ATP10A: variants seen among roughly 807,000 people sequenced by gnomAD.
ATP10A encodes ATPase phospholipid transporting 10A (putative).
A neutral mutation model predicts 147.8 loss-of-function variants in ATP10A; 111 were observed. The ratio of observed to expected loss-of-function variants is 0.75; its 90% CI spans 0.64 to 0.88. The LOEUF (loss-of-function observed/expected upper bound fraction) is 0.88. Among genes scored for constraint, ATP10A ranks in the 40% least tolerant of loss-of-function variants. ATP10A has a pLI of 0.00. For missense variants in ATP10A, 1,927 were observed against 1,959.0 expected (o/e 0.98, Z 0.31); for synonymous variants, 875 against 841.6 (o/e 1.04, Z -0.69).
intron 13 of ATP10A, among the ~76,000 whole-genome samples, chr15:25,701,018 G>A (rs1900632689): frequency 6.6e-6 from 1 of 152,080 alleles, no homozygotes; most frequent in African/African-American, 2.4e-5. Context: ...CCCGGCCAGC[G>A]TGGCTGTGAA....
intron 2 of ATP10A, among the ~76,000 whole-genome samples, chr15:25,773,759 A>T (rs1889460711): frequency 6.6e-6 from 1 of 151,996 alleles, no homozygotes; most frequent in African/African-American, 2.4e-5. Flanking sequence ...CACTTGCAAA[A>T]ATGTTTGCAC....
intron 1 of ATP10A, among the ~76,000 whole-genome samples, chr15:25,856,493 A>C (rs1273773020): frequency 2.0e-5 from 3 of 152,206 alleles, no homozygotes; most frequent in Admixed American, 6.5e-5. Context: ...TTAGCGTTAG[A>C]TGTTAGTGAT....
At chr15:25,731,172 C>A (rs1005050852) in intron 3 of ATP10A, among the ~76,000 whole-genome samples, 3 of 152,180 alleles carry the variant, frequency 2.0e-5, no homozygotes, top group Non-Finnish European at 4.4e-5. Flanking sequence ...CGGCCCTATG[C>A]GGTTGTAGGA....
At chr15:25,819,361 AACCCCAATGCGAT>A in intron 1 of ATP10A, among the ~76,000 whole-genome samples, 1 of 152,332 alleles carries the variant, frequency 6.6e-6, no homozygotes, top group Non-Finnish European at 1.5e-5. Context: ...TGCAAATTGA[AACCCCAATGCGAT>A]ACCTCCTTAC....
At chr15:25,688,341 A>G (rs1016053102) in intron 15 of ATP10A, among the ~76,000 whole-genome samples, 15 of 152,160 alleles carry the variant, frequency 9.9e-5, no homozygotes, top group Admixed American at 2.0e-4. Flanking sequence ...CCAGGCCCAC[A>G]GCTCCACTGG....
intron 13 of ATP10A, among the ~76,000 whole-genome samples, chr15:25,699,942 C>A (rs1441493387): frequency 6.6e-6 from 1 of 151,482 alleles, no homozygotes; most frequent in African/African-American, 2.4e-5. Flanking sequence ...TTGTGAAAGA[C>A]AATATTAAAA....
intron 1 of ATP10A, among the ~76,000 whole-genome samples, chr15:25,785,359 C>T (rs1031327108): frequency 1.3e-5 from 2 of 152,140 alleles, no homozygotes; most frequent in Non-Finnish European, 2.9e-5. Flanking sequence ...GAGAACATGG[C>T]GAGGGGAGGG....
chr15:25,699,791 C>T (rs775337079), intron 13 of ATP10A, among the ~76,000 whole-genome samples: 2 of 152,094 alleles, frequency 1.3e-5, no homozygotes, highest in Non-Finnish European at 2.9e-5. Flanking sequence ...TCCCTTGAGC[C>T]TGGGAGGTTG....
At chr15:25,770,154 C>T (rs986458847) in intron 2 of ATP10A, among the ~76,000 whole-genome samples, 1 of 151,068 alleles carries the variant, frequency 6.6e-6, no homozygotes, top group African/African-American at 2.5e-5. Context: ...ACGACCCGGG[C>T]GAGGTGGGGA....
intron 1 of ATP10A, among the ~76,000 whole-genome samples, chr15:25,784,379 ACT>A (rs1890063273): frequency 6.6e-6 from 1 of 152,176 alleles, no homozygotes; most frequent in African/African-American, 2.4e-5. Flanking sequence ...TCCATGTATA[ACT>A]CTCATCCAAA....
rs28673625 is a variant in ATP10A, at chr15:25,792,465, C to G, written c.450-11242G>C. Among the ~76,000 whole-genome samples, 731 of 152,358 alleles carry G rather than the reference C, an allele frequency of 4.8e-3. 7 individuals are homozygous for G. Among genetic ancestry groups the G allele is most frequent in the African/African-American group, 0.017 (693 of 41,576 alleles). On this transcript the variant is annotated intron_variant, in intron 1 of 20. Coordinates refer to ENST00000555815, the MANE Select transcript of ATP10A (RefSeq NM_024490.4). ...TAGGCGGGATGCCCCAAAGCCTCAA[C>G]AAACACCCATGCAGGTCATTTGTCA...
At chr15:25,732,517 C>A (rs775964608) in intron 3 of ATP10A, among the ~76,000 whole-genome samples, 3 of 147,492 alleles carry the variant, frequency 2.0e-5, no homozygotes, top group Non-Finnish European at 4.5e-5. Flanking sequence ...CTTTCTGTGT[C>A]TAAGATTTTC....
At chr15:25,709,120 T>G (rs1349271656) in intron 10 of ATP10A, 1 of 152,236 alleles carries the variant, frequency 6.6e-6, no homozygotes, top group African/African-American at 2.4e-5. Context: ...AATCTTACTC[T>G]TTTCTAAACA....
intron 2 of ATP10A, among the ~76,000 whole-genome samples, chr15:25,737,394 G>A (rs558829468): frequency 6.6e-6 from 1 of 152,330 alleles, no homozygotes; most frequent in Non-Finnish European, 1.5e-5. Flanking sequence ...CAGACGAGGA[G>A]GGTAGGACTT....
chr15:25,763,280 G>A (rs1888854676), intron 2 of ATP10A, among the ~76,000 whole-genome samples: 2 of 152,084 alleles, frequency 1.3e-5, no homozygotes, highest in African/African-American at 4.8e-5. Flanking sequence ...TTTTCACTGG[G>A]ACTGGGCATC....
chr15:25,672,252 G>A, the ATP10A span, among the ~76,000 whole-genome samples: 2 of 152,114 alleles, frequency 1.3e-5, no homozygotes, highest in South Asian at 2.1e-4. Flanking sequence ...CCGTCCTTTC[G>A]TGACTGCCCT....
At chr15:25,683,569 G>A (rs553793057) in intron 16 of ATP10A, 83 bp from the exon 17 acceptor site, 172 of 1,320,590 alleles carry the variant, frequency 1.3e-4, no homozygotes, top group Middle Eastern at 7.5e-4. Context: ...TGACAGGCCT[G>A]CAGAGTTTCA....
intron 1 of ATP10A, among the ~76,000 whole-genome samples, chr15:25,782,089 G>A (rs1258576510): frequency 1.3e-5 from 2 of 152,184 alleles, no homozygotes; most frequent in African/African-American, 4.8e-5. Flanking sequence ...TAAACAAAAT[G>A]GAGTATTATC....
At chr15:25,700,299 C>A (rs548044513) in intron 13 of ATP10A, among the ~76,000 whole-genome samples, 1 of 152,334 alleles carries the variant, frequency 6.6e-6, no homozygotes, top group South Asian at 2.1e-4. Context: ...TGGTGTCTGG[C>A]AGCTTCTTAT....
Sources: gnomAD v4.1 joint callset for allele counts (sites outside exome capture counted in the v4.1 genomes callset) on GRCh38, gnomAD v4.1.1 for gene constraint, MANE v1.5 for transcripts, NCBI Gene and HGNC (gene_info 2026-07-23, HGNC 2026-07-21) for gene names.